KIAA0319: variants seen among roughly 807,000 people sequenced by gnomAD.
The protein encoded by KIAA0319 is KIAA0319.
KIAA0319 carries 83 observed loss-of-function variants against 108.4 expected under a neutral mutation model. That is an observed-to-expected ratio of 0.77 (90% CI 0.64 to 0.92). The LOEUF is 0.92. Ranked by LOEUF, KIAA0319 falls within the 40% of genes least tolerant of loss-of-function variation. KIAA0319 has a pLI of 0.00. For missense variants in KIAA0319, 1,195 were observed against 1,322.4 expected, an observed-to-expected ratio of 0.90 and a Z score of 1.49; for synonymous variants, 484 against 510.4, an observed-to-expected ratio of 0.95 and a Z score of 0.70.
chr6:24,639,278 G>A lies in KIAA0319; in HGVS notation c.-106+6458C>T, dbSNP rs80021127. ...GTAGATCCTATAAGGAGCCAGAGAC[G>A]AAAGACAGATAATCTTAAAAGGAAC... On this transcript the variant is annotated intron_variant, in intron 1 of 20. Transcript: ENST00000378214. Among the ~76,000 whole-genome samples the A allele has an allele frequency of 2.9e-3, 437 of 152,246 alleles. 7 individuals are homozygous for A. Among genetic ancestry groups the A allele is most frequent in the African/African-American group, 9.7e-3 (401 of 41,552 alleles).
At chr6:24,606,316 T>C (rs1000356528) in intron 1 of KIAA0319, among the ~76,000 whole-genome samples, 2 of 152,196 alleles carry the variant, frequency 1.3e-5, no homozygotes, top group African/African-American at 2.4e-5. Context: ...CTTCCGATCA[T>C]GCATGACCCC....
At chr6:24,571,265 G>A (rs974979609) in intron 11 of KIAA0319, among the ~76,000 whole-genome samples, 1 of 151,526 alleles carries the variant, frequency 6.6e-6, no homozygotes, top group South Asian at 2.1e-4. Context: ...AAAAGGGCCA[G>A]GTGTAGTGGC....
intron 1 of KIAA0319, among the ~76,000 whole-genome samples, chr6:24,601,532 C>T (rs1770622605): frequency 6.6e-6 from 1 of 152,170 alleles, no homozygotes. Context: ...TTGGCAGAGA[C>T]TCAAAGACAG....
At chr6:24,617,622 G>A (rs771564360) in intron 1 of KIAA0319, among the ~76,000 whole-genome samples, 36 of 152,140 alleles carry the variant, frequency 2.4e-4, no homozygotes, top group Non-Finnish European at 3.4e-4. Flanking sequence ...GAGGACAGAA[G>A]TCAGAGCCTT....
downstream of KIAA0319, among the ~76,000 whole-genome samples, chr6:24,542,711 T>A (rs1272630333): frequency 6.6e-6 from 1 of 152,202 alleles, no homozygotes; most frequent in Non-Finnish European, 1.5e-5. Context: ...CAAGACCCTG[T>A]CTCAAACAAA....
intron 8 of KIAA0319, among the ~76,000 whole-genome samples, chr6:24,579,429 A>G (rs1028806189): frequency 7.1e-6 from 1 of 141,342 alleles, no homozygotes; most frequent in Non-Finnish European, 1.5e-5. Flanking sequence ...ATATATATAT[A>G]TATCTTATAT....
chr6:24,540,557 G>T (rs924409994), downstream of KIAA0319, among the ~76,000 whole-genome samples: 1 of 152,108 alleles, frequency 6.6e-6, no homozygotes, highest in African/African-American at 2.4e-5. Flanking sequence ...CTCCATGTAG[G>T]CTTCAAATAA....
At position 24,578,092 on chromosome 6, in the gene KIAA0319, A is replaced by C. The variant is rs760072840; in HGVS notation, c.1505+18T>G. ...ATGTAAGTAGCAGGCAGCACAATAA[A>C]GGCAGGGACCCACTTGCCTGAAACT... is the stretch of plus-strand genomic sequence containing the variant. On this transcript the variant is annotated intron_variant, in intron 9 of 20. Coordinates refer to ENST00000378214, the MANE Select transcript of KIAA0319 (RefSeq NM_014809.4). 6.3e-7 allele frequency: 1 copy of C among 1,599,348 alleles called. No homozygotes were observed. Among genetic ancestry groups the C allele is most frequent in the South Asian group, 1.1e-5 (1 of 87,830 alleles).
At chr6:24,559,931 A>G (rs1323542645) in intron 16 of KIAA0319, among the ~76,000 whole-genome samples, 2 of 152,180 alleles carry the variant, frequency 1.3e-5, no homozygotes, top group African/African-American at 4.8e-5. Flanking sequence ...TCTTCTGGAC[A>G]CTTCAGATAG....
chr6:24,542,094 T>C (rs1327023631), downstream of KIAA0319, among the ~76,000 whole-genome samples: 1 of 152,192 alleles, frequency 6.6e-6, no homozygotes, highest in African/African-American at 2.4e-5. Context: ...GTAAGCGAGA[T>C]TGCACCACTG....
intron 5 of KIAA0319, among the ~76,000 whole-genome samples, chr6:24,582,674 C>A (rs1443577985): frequency 6.7e-6 from 1 of 149,728 alleles, no homozygotes; most frequent in Non-Finnish European, 1.5e-5. Flanking sequence ...AAAAAAAAAC[C>A]TCCCTAACTT....
chr6:24,541,824 T>C (rs747179748), downstream of KIAA0319, among the ~76,000 whole-genome samples: 54 of 152,192 alleles, frequency 3.5e-4, no homozygotes, highest in Middle Eastern at 0.017. Flanking sequence ...CCCACAACAC[T>C]GAAGGAATAT....
At chr6:24,643,648 G>C (rs894146334) in intron 1 of KIAA0319, among the ~76,000 whole-genome samples, 1 of 152,030 alleles carries the variant, frequency 6.6e-6, no homozygotes, top group Non-Finnish European at 1.5e-5. Flanking sequence ...ACAAGCTTTG[G>C]ACATGTCAAA....
Position 24,566,407 on chromosome 6 carries a change from G to A in KIAA0319, c.2292+190C>T, listed in dbSNP as rs573400319. On this transcript the variant is annotated intron_variant, in intron 14 of 20. Coordinates refer to ENST00000378214, the MANE Select transcript of KIAA0319 (RefSeq NM_014809.4). Reference sequence around the variant, plus strand: ...AGGAAGAAAGACCTCACTGGAAACTGAATTAGCCAGCAACTTGAGCCTGTC... The same window carrying A: ...AGGAAGAAAGACCTCACTGGAAACTAAATTAGCCAGCAACTTGAGCCTGTC... Among the ~76,000 whole-genome samples the A allele has an allele frequency of 1.2e-4, 18 of 152,312 alleles. No individual in the cohort carries two copies. In the South Asian group the frequency reaches 2.9e-3, roughly 25 times the overall value.
chr6:24,640,216 C>T (rs1418834266), intron 1 of KIAA0319, among the ~76,000 whole-genome samples: 1 of 152,086 alleles, frequency 6.6e-6, no homozygotes. Flanking sequence ...TCTATAGAGG[C>T]TTCTACTATC....
At chr6:24,579,449 A>G (rs1235163398) in intron 8 of KIAA0319, among the ~76,000 whole-genome samples, 4 of 145,864 alleles carry the variant, frequency 2.7e-5, no homozygotes, top group Non-Finnish European at 1.5e-5. Context: ...TATCTCATAT[A>G]TATCTTATAT....
At chr6:24,574,252 G>A (rs1037380108) in intron 10 of KIAA0319, among the ~76,000 whole-genome samples, 4 of 152,022 alleles carry the variant, frequency 2.6e-5, no homozygotes, top group African/African-American at 9.7e-5. Flanking sequence ...TGGGCAACAT[G>A]GCAAAATCCC....
At chr6:24,640,612 T>C (rs1776791751) in intron 1 of KIAA0319, among the ~76,000 whole-genome samples, 1 of 152,184 alleles carries the variant, frequency 6.6e-6, no homozygotes, top group African/African-American at 2.4e-5. Context: ...TTTAAATTTT[T>C]TCATTGTGGT....
At position 24,596,154 on chromosome 6, in the gene KIAA0319, G is replaced by C. The variant is rs1212737666; in HGVS notation, c.520C>G (p.Gln174Glu). The change falls in exon 3 of 21, where the codon CAG becomes GAG. Residue 174 changes from glutamine to glutamate, a missense_variant. Gln to Glu is a conservative substitution (Grantham distance 29, BLOSUM62 2). Transcript: ENST00000378214. ...TACTCGGCACTCCCTCTGGGCTCCT[G>C]CTTGCCACTGGGTTGCAAGAGGTCC... ...EKDLLQPSGK[Q>E]EPRGSAEYTD... The C allele has an allele frequency of 2.5e-6, 4 of 1,613,984 alleles. No homozygotes were observed. In the South Asian group the frequency reaches 3.3e-5, roughly 13 times the overall value.
Sources: gnomAD v4.1 joint callset for allele counts (sites outside exome capture counted in the v4.1 genomes callset) on GRCh38, gnomAD v4.1.1 for gene constraint, MANE v1.5 for transcripts, NCBI Gene and HGNC (gene_info 2026-07-23, HGNC 2026-07-21) for gene names.